The following ATM variants were observed in gnomAD, a reference collection of about 807,000 sequenced individuals.
ATM encodes ATM serine/threonine kinase.
ATM carries 308 observed loss-of-function variants against 387.0 expected under a neutral mutation model. The observed-to-expected ratio is 0.80, with a 90% CI of 0.73 to 0.87. ATM has a LOEUF of 0.87. Among genes scored for constraint, ATM ranks in the 40% least tolerant of loss-of-function variants. The pLI is 0.00. For missense variants in ATM, 3,312 were observed against 3,560.9 expected (o/e 0.93, Z 1.78); for synonymous variants, 1,156 against 1,187.3 (o/e 0.97, Z 0.54).
intron 42 of ATM, among the ~76,000 whole-genome samples, chr11:108,316,867 A>T (rs1221852831): frequency 1.3e-5 from 2 of 151,734 alleles, no homozygotes; most frequent in East Asian, 3.9e-4. Context: ...CAGAGGTTGC[A>T]GTGAGCCGAG....
intron 5 of ATM, among the ~76,000 whole-genome samples, chr11:108,242,130 A>G (rs2079595347): frequency 6.7e-6 from 1 of 149,108 alleles, no homozygotes; most frequent in Non-Finnish European, 1.5e-5. Context: ...TAAAAAAACA[A>G]AAAACAAAAA....
chr11:108,265,229 A>G (rs1204180503), intron 16 of ATM, among the ~76,000 whole-genome samples: 1 of 152,004 alleles, frequency 6.6e-6, no homozygotes, highest in Non-Finnish European at 1.5e-5. Flanking sequence ...CTGACTTCAA[A>G]CTATACTACA....
chr11:108,245,864 G>A (rs1239621305), intron 7 of ATM, among the ~76,000 whole-genome samples: 2 of 135,844 alleles, frequency 1.5e-5, no homozygotes, highest in Non-Finnish European at 3.1e-5. Context: ...TCACTCTGTC[G>A]CCCAGGCTGA....
At chr11:108,271,511 C>A in intron 20 of ATM, 105 bp downstream of exon 20, 2 of 1,287,488 alleles carry the variant, frequency 1.6e-6, no homozygotes, top group Non-Finnish European at 2.3e-6. Context: ...TCCTACATAG[C>A]TAATACATCT....
chr11:108,253,034 G>T, intron 12 of ATM, 122 bp downstream of exon 12: 1 of 795,410 alleles, frequency 1.3e-6, no homozygotes, highest in Non-Finnish European at 2.1e-6. Flanking sequence ...CAAAAAAATT[G>T]CAACTGTTAG....
chr11:108,231,880 C>T (rs2079033737), intron 4 of ATM, among the ~76,000 whole-genome samples: 2 of 152,078 alleles, frequency 1.3e-5, no homozygotes, highest in South Asian at 4.1e-4. Flanking sequence ...GCTTCAACCC[C>T]TTGTCAGAGA....
chr11:108,333,782 G>C (rs2086529066), intron 53 of ATM, 104 bp from the exon 54 acceptor site: 3 of 929,880 alleles, frequency 3.2e-6, no homozygotes, highest in Admixed American at 3.4e-5. Flanking sequence ...CTGAACCACA[G>C]ATTAGCAACA....
chr11:108,331,792 A>AT, intron 51 of ATM, 87 bp from the exon 52 acceptor site: 1 of 1,480,070 alleles, frequency 6.8e-7, no homozygotes, highest in Non-Finnish European at 9.3e-7. Context: ...CTAGACAGTA[A>AT]TACACATTTT....
At chr11:108,248,641 C>A (rs994164548) in intron 8 of ATM, among the ~76,000 whole-genome samples, 3 of 152,050 alleles carry the variant, frequency 2.0e-5, no homozygotes, top group Admixed American at 6.6e-5. Flanking sequence ...GTAATCCCAG[C>A]ACTTTGGGAG....
At chr11:108,278,495 A>AT (rs2082062972) in intron 22 of ATM, among the ~76,000 whole-genome samples, 4 of 152,106 alleles carry the variant, frequency 2.6e-5, no homozygotes, top group Admixed American at 1.3e-4. Flanking sequence ...CACTTGTTAG[A>AT]TTTTGTCTTA....
At chr11:108,347,230 A>G (rs764235707) in intron 58 of ATM, 49 bp from the exon 59 acceptor site, 2 of 1,355,642 alleles carry the variant, frequency 1.5e-6, no homozygotes, top group Non-Finnish European at 2.1e-6. Context: ...TATATATTAG[A>G]AAGAGATGGA....
intron 27 of ATM, 145 bp downstream of exon 27, chr11:108,287,860 TGAG>T (rs1174313008): frequency 1.7e-5 from 11 of 630,166 alleles, no homozygotes; most frequent in Non-Finnish European, 2.8e-5. Flanking sequence ...ACCTTTGAAT[TGAG>T]GTAATTACCT....
chr11:108,274,177 T>G (rs2081790409), intron 22 of ATM, among the ~76,000 whole-genome samples: 1 of 152,240 alleles, frequency 6.6e-6, no homozygotes, highest in Non-Finnish European at 1.5e-5. Flanking sequence ...TATAGTATTC[T>G]CTGATGGTAG....
At chr11:108,325,179 C>G (rs1436206180) in intron 45 of ATM, 131 bp from the exon 46 acceptor site, 4 of 643,688 alleles carry the variant, frequency 6.2e-6, no homozygotes, top group African/African-American at 5.6e-5. Flanking sequence ...TTTACAAGTT[C>G]TAGTCTTGTC....
intron 44 of ATM, 24 bp from the exon 45 acceptor site, chr11:108,321,277 G>T (rs750605436): frequency 6.2e-7 from 1 of 1,613,696 alleles, no homozygotes; most frequent in South Asian, 1.1e-5. Flanking sequence ...TATTTTCAGA[G>T]TGTCTTTTCT....
chr11:108,272,682 T>C, intron 21 of ATM, 40 bp from the exon 22 acceptor site: 1 of 1,613,486 alleles, frequency 6.2e-7, no homozygotes, highest in Non-Finnish European at 8.5e-7. Flanking sequence ...ATGAGTAATT[T>C]TTCTCTATTT....
chr11:108,362,952 T>A (rs1038389942), intron 61 of ATM, among the ~76,000 whole-genome samples: 10 of 151,292 alleles, frequency 6.6e-5, no homozygotes, highest in Admixed American at 4.6e-4. Context: ...AAGTATAATT[T>A]AAAAAAAACT....
intron 26 of ATM, among the ~76,000 whole-genome samples, chr11:108,285,950 C>T (rs910678344): frequency 1.3e-5 from 2 of 152,142 alleles, no homozygotes; most frequent in African/African-American, 2.4e-5. Flanking sequence ...AAAGTAATTA[C>T]GTTCAACTTC....
chr11:108,293,892 A>T (rs60166410), intron 31 of ATM, among the ~76,000 whole-genome samples: 9,934 of 106,634 alleles, frequency 0.093, 414 homozygotes, highest in Admixed American at 0.18. Context: ...AAAAAAAAAA[A>T]AAATATATAT....
Sources: gnomAD v4.1 joint callset for allele counts (sites outside exome capture counted in the v4.1 genomes callset) on GRCh38, gnomAD v4.1.1 for gene constraint, MANE v1.5 for transcripts, NCBI Gene and HGNC (gene_info 2026-07-23, HGNC 2026-07-21) for gene names.